Variants in SLC8A1 observed in about 807,000 individuals in gnomAD.
The protein encoded by SLC8A1 is sodium/calcium exchanger 1.
SLC8A1 carries 18 observed loss-of-function variants against 68.3 expected under a neutral mutation model. The observed-to-expected ratio is 0.26, with a 90% CI of 0.18 to 0.39. The LOEUF (loss-of-function observed/expected upper bound fraction) is 0.39, where lower values mean the gene tolerates loss of function less well. Among genes scored for constraint, SLC8A1 ranks in the 10% least tolerant of loss-of-function variants. The pLI, the probability that SLC8A1 is intolerant of heterozygous loss-of-function variation, is 1.00. For missense variants in SLC8A1, 985 were observed against 1,156.7 expected, an observed-to-expected ratio of 0.85 and a Z score of 2.15; for synonymous variants, 475 against 415.5, an observed-to-expected ratio of 1.14 and a Z score of -1.74.
intron 1 of SLC8A1, among the ~76,000 whole-genome samples, chr2:40,475,291 G>A (rs1185074084): frequency 6.6e-6 from 1 of 151,872 alleles, no homozygotes; most frequent in African/African-American, 2.4e-5. Context: ...CCGCCACCTC[G>A]CCCGGCTAAT....
intron 1 of SLC8A1, among the ~76,000 whole-genome samples, chr2:40,437,507 T>C (rs996133487): frequency 2.0e-5 from 3 of 152,204 alleles, no homozygotes; most frequent in African/African-American, 7.2e-5. Flanking sequence ...GGTTTTTCCA[T>C]TTGGTCAGGA....
At chr2:40,510,693 TTCTC>T (rs928743160) in intron 1 of SLC8A1, among the ~76,000 whole-genome samples, 10 of 152,018 alleles carry the variant, frequency 6.6e-5, no homozygotes, top group African/African-American at 2.2e-4. Context: ...GCATAGTTTA[TTCTC>T]TCTCTCTCTT....
At chr2:40,199,404 A>G (rs1302827260) in intron 2 of SLC8A1, among the ~76,000 whole-genome samples, 2 of 151,616 alleles carry the variant, frequency 1.3e-5, no homozygotes, top group African/African-American at 2.4e-5. Context: ...TCATAATCAT[A>G]CTACAGAGAA....
At chr2:40,161,788 C>G (rs796316320) in intron 5 of SLC8A1, among the ~76,000 whole-genome samples, 1 of 152,258 alleles carries the variant, frequency 6.6e-6, no homozygotes, top group South Asian at 2.1e-4. Flanking sequence ...GACTAGTCTA[C>G]GAAACATCCA....
At chr2:40,452,798 G>C (rs1377711376), upstream of SLC8A1, among the ~76,000 whole-genome samples, 1 of 151,274 alleles carries the variant, frequency 6.6e-6, no homozygotes, top group African/African-American at 2.4e-5. Flanking sequence ...AACTGGGACA[G>C]AGTCTCTGTG....
chr2:40,494,030 TC>T, intron 1 of SLC8A1, among the ~76,000 whole-genome samples: 1 of 152,004 alleles, frequency 6.6e-6, no homozygotes, highest in Non-Finnish European at 1.5e-5. Context: ...TTTTTCCTTA[TC>T]TACCTGAAAG....
At chr2:40,260,157 C>T (rs2064498942) in intron 2 of SLC8A1, among the ~76,000 whole-genome samples, 1 of 152,206 alleles carries the variant, frequency 6.6e-6, no homozygotes, top group Non-Finnish European at 1.5e-5. Flanking sequence ...TCTCTCCCAA[C>T]ACCCTCCCCT....
chr2:40,302,423 T>C (rs1431345629), intron 2 of SLC8A1, among the ~76,000 whole-genome samples: 2 of 147,306 alleles, frequency 1.4e-5, no homozygotes, highest in African/African-American at 5.1e-5. Context: ...TTTTTATGGC[T>C]GGGTAGTATT....
chr2:40,466,744 G>C (rs1475619685), intron 1 of SLC8A1, among the ~76,000 whole-genome samples: 3 of 152,112 alleles, frequency 2.0e-5, no homozygotes, highest in Non-Finnish European at 4.4e-5. Context: ...TTGGTTTGTT[G>C]AATGTGTCTT....
intron 2 of SLC8A1, among the ~76,000 whole-genome samples, chr2:40,383,922 G>A (rs1377519794): frequency 6.6e-6 from 1 of 152,064 alleles, no homozygotes; most frequent in Admixed American, 6.6e-5. Context: ...CACAGATCTG[G>A]TAACAGGGCA....
At chr2:40,331,577 A>G (rs951074305) in intron 2 of SLC8A1, among the ~76,000 whole-genome samples, 3 of 150,874 alleles carry the variant, frequency 2.0e-5, no homozygotes, top group African/African-American at 7.3e-5. Context: ...GTGGCTTTTT[A>G]TTTATTTATT....
At chr2:40,398,714 G>C (rs558973686) in intron 2 of SLC8A1, among the ~76,000 whole-genome samples, 8 of 152,174 alleles carry the variant, frequency 5.3e-5, no homozygotes, top group Non-Finnish European at 1.2e-4. Flanking sequence ...TGGCTGTATA[G>C]TATTTCCTTG....
chr2:40,365,206 A>C (rs1211630728), intron 2 of SLC8A1, among the ~76,000 whole-genome samples: 1 of 151,764 alleles, frequency 6.6e-6, no homozygotes, highest in African/African-American at 2.4e-5. Context: ...CACATTTTAC[A>C]TATGACTAAA....
intron 2 of SLC8A1, among the ~76,000 whole-genome samples, chr2:40,257,408 A>AT (rs1305185326): frequency 6.6e-6 from 1 of 151,880 alleles, no homozygotes; most frequent in Non-Finnish European, 1.5e-5. Context: ...GATTATGGAA[A>AT]TTAGCTGTTT....
chr2:40,372,738 C>T (rs929138730), intron 2 of SLC8A1, among the ~76,000 whole-genome samples: 4 of 152,226 alleles, frequency 2.6e-5, no homozygotes, highest in African/African-American at 2.4e-5. Context: ...TCTAGGGAAT[C>T]TTGCAGAAGA....
intron 6 of SLC8A1, among the ~76,000 whole-genome samples, chr2:40,156,666 A>G (rs1375660163): frequency 2.9e-5 from 4 of 136,392 alleles, no homozygotes; most frequent in Admixed American, 2.3e-4. Flanking sequence ...GAGACCTAAC[A>G]AATATTAAGG....
intron 2 of SLC8A1, among the ~76,000 whole-genome samples, chr2:40,214,445 T>C (rs1276560843): frequency 2.0e-5 from 3 of 151,578 alleles, no homozygotes; most frequent in Non-Finnish European, 4.4e-5. Flanking sequence ...CTTTTTTTTT[T>C]TTTTTCCTCT....
chr2:40,374,581 G>C (rs1679199649), intron 2 of SLC8A1, among the ~76,000 whole-genome samples: 2 of 151,926 alleles, frequency 1.3e-5, no homozygotes, highest in African/African-American at 4.8e-5. Context: ...GAAAGAACTA[G>C]GTAAAGAAAC....
intron 2 of SLC8A1, among the ~76,000 whole-genome samples, chr2:40,238,818 C>A (rs1224657834): frequency 2.6e-5 from 4 of 151,844 alleles, no homozygotes; most frequent in African/African-American, 9.7e-5. Context: ...TAATGTATAT[C>A]ATTATATATA....
Sources: allele counts gnomAD v4.1 joint callset (sites outside exome capture counted in the v4.1 genomes callset), GRCh38; gene constraint gnomAD v4.1.1; transcripts MANE v1.5; gene names NCBI Gene and HGNC (gene_info 2026-07-23, HGNC 2026-07-21).